DNASE1: variants seen among roughly 807,000 people sequenced by gnomAD.
DNASE1 encodes deoxyribonuclease 1.
DNASE1 carries 40 observed loss-of-function variants against 33.9 expected under a neutral mutation model. That is an observed-to-expected ratio of 1.18 (90% CI 0.92 to 1.54). The LOEUF (loss-of-function observed/expected upper bound fraction) is 1.54, where lower values mean the gene tolerates loss of function less well. Ranked by LOEUF, DNASE1 falls within the 40% of genes most tolerant of loss-of-function variation. The pLI, the probability that DNASE1 is intolerant of heterozygous loss-of-function variation, is 0.00. For synonymous variants in DNASE1, 216 were observed against 160.0 expected (o/e 1.35, Z -2.64); for missense variants, 518 against 372.6 (o/e 1.39, Z -3.21).
chr16:3,664,067 AAAC>A, exon 10 of DNASE1: 1 of 558,328 alleles, frequency 1.8e-6, no homozygotes, highest in Non-Finnish European at 3.0e-6. Context: ...CATCTCAAAA[AAAC>A]AAAAAACAAA....
intron 1 of DNASE1, among the ~76,000 whole-genome samples, chr16:3,634,613 G>A (rs1427748984): frequency 1.3e-5 from 2 of 151,946 alleles, no homozygotes; most frequent in African/African-American, 4.8e-5. Context: ...GGGCTCAAAT[G>A]ATCCTCCTGC....
At chr16:3,616,445 A>G (rs1208687903) in intron 1 of DNASE1, among the ~76,000 whole-genome samples, 4 of 147,746 alleles carry the variant, frequency 2.7e-5, no homozygotes, top group African/African-American at 1.0e-4. Flanking sequence ...ACATGGTGAA[A>G]CCCCATGTCT....
At chr16:3,619,444 C>G (rs2151158765) in intron 1 of DNASE1, among the ~76,000 whole-genome samples, 1 of 152,204 alleles carries the variant, frequency 6.6e-6, no homozygotes, top group South Asian at 2.1e-4. Context: ...TTACTGCAAG[C>G]TCTGCCTCCC....
chr16:3,617,314 G>T (rs555545722), intron 1 of DNASE1, among the ~76,000 whole-genome samples: 24 of 82,300 alleles, frequency 2.9e-4, no homozygotes, highest in African/African-American at 1.4e-3. Flanking sequence ...CAACAAGAGC[G>T]AAACTCCATC....
chr16:3,620,504 G>C (rs1467287537), intron 1 of DNASE1, among the ~76,000 whole-genome samples: 1 of 149,626 alleles, frequency 6.7e-6, no homozygotes, highest in African/African-American at 2.5e-5. Context: ...GGGTGACAGA[G>C]TGAGACCCTG....
At position 3,657,762 on chromosome 16, in the gene DNASE1, C is replaced by G; in HGVS notation, c.747C>G (p.Pro249=). Residue 249 remains proline, a synonymous_variant, in exon 8 of 9, where the codon CCC becomes CCG. Coordinates refer to ENST00000246949, the MANE Select transcript of DNASE1 (RefSeq NM_005223.4). ...TGCTGCTCCGAGGCGCCGTTGTTCC[C>G]GACTCGGCTCTTCCCTTTAACTTCC... ...AGMLLRGAVV[P]DSALPFNFQA... 6.2e-7 allele frequency: 1 copy of G among 1,613,908 alleles called. No homozygotes were observed. The highest frequency in any genetic ancestry group is 8.5e-7 in the Non-Finnish European group (1 of 1,179,928).
intron 1 of DNASE1, among the ~76,000 whole-genome samples, chr16:3,644,286 G>T (rs1263028972): frequency 1.3e-5 from 2 of 151,792 alleles, no homozygotes; most frequent in East Asian, 3.9e-4. Flanking sequence ...AATTAGGCCG[G>T]GTGCAGTGGC....
chr16:3,625,453 C>CA lies in DNASE1; in HGVS notation c.-1359+13457dup, dbSNP rs926078689. On this transcript the variant is annotated intron_variant and NMD_transcript_variant, in intron 1 of 11. Coordinates refer to the DNASE1 transcript ENST00000570769. The stretch of plus-strand genomic sequence containing the variant: ...GGCTGTGTAGTGAGACCCATCGCTG[C>CA]AAAAAAAAAATTGTTTAAATAAAAT... 3.1e-4 allele frequency among the ~76,000 whole-genome samples: 46 copies of CA among 148,690 alleles called. 1 individual carries two copies. The highest frequency in any genetic ancestry group is 3.5e-3 in the Middle Eastern group (1 of 286).
intron 1 of DNASE1, among the ~76,000 whole-genome samples, chr16:3,637,770 T>C (rs1312948889): frequency 2.0e-5 from 3 of 152,162 alleles, no homozygotes; most frequent in Non-Finnish European, 4.4e-5. Context: ...GTAGGGCTCA[T>C]GGAGGTAAAG....
intron 1 of DNASE1, among the ~76,000 whole-genome samples, chr16:3,615,940 C>A (rs2041086214): frequency 6.6e-6 from 1 of 152,162 alleles, no homozygotes; most frequent in Non-Finnish European, 1.5e-5. Flanking sequence ...ACCTCCCTCT[C>A]CTTTATCTTG....
chr16:3,631,693 TTG>T (rs560673870), intron 1 of DNASE1, among the ~76,000 whole-genome samples: 36 of 151,660 alleles, frequency 2.4e-4, no homozygotes, highest in Non-Finnish European at 4.0e-4. Context: ...CGGCTAATTT[TTG>T]TGTTTTTAGT....
At chr16:3,640,224 T>C (rs1332941685), upstream of DNASE1, among the ~76,000 whole-genome samples, 4 of 152,170 alleles carry the variant, frequency 2.6e-5, no homozygotes, top group Non-Finnish European at 5.9e-5. Context: ...GGCCTTCTCA[T>C]ATAGTTTTTC....
At chr16:3,658,254 A>AT, downstream of DNASE1, 1 of 1,575,272 alleles carries the variant, frequency 6.3e-7, no homozygotes, top group East Asian at 2.2e-5. Flanking sequence ...GGAGAAACCC[A>AT]TTATGAGGGG....
upstream of DNASE1, chr16:3,640,657 T>C (rs1329925616): frequency 1.8e-5 from 7 of 398,092 alleles, no homozygotes; most frequent in Non-Finnish European, 3.1e-5. Flanking sequence ...AGTTTCAGAA[T>C]AGGTGGTGCT....
chr16:3,620,984 G>A (rs2041290750), intron 1 of DNASE1, among the ~76,000 whole-genome samples: 1 of 152,020 alleles, frequency 6.6e-6, no homozygotes, highest in South Asian at 2.1e-4. Flanking sequence ...ATTTTTAGTA[G>A]AGACGGGGTT....
upstream of DNASE1, among the ~76,000 whole-genome samples, chr16:3,639,311 C>T (rs1426214141): frequency 3.9e-5 from 6 of 152,184 alleles, no homozygotes; most frequent in Non-Finnish European, 7.3e-5. Context: ...GTATGTGGGA[C>T]ATATAGGGTG....
At chr16:3,655,559 T>A in intron 2 of DNASE1, 39 bp downstream of exon 2, 1 of 1,613,428 alleles carries the variant, frequency 6.2e-7, no homozygotes, top group Non-Finnish European at 8.5e-7. Flanking sequence ...GCAGAGGAGC[T>A]CTGGAGTCTA....
chr16:3,614,540 T>G lies in DNASE1; in HGVS notation c.-1359+2534T>G, dbSNP rs553604217. Among the ~76,000 whole-genome samples, 9 of 152,302 alleles carry G rather than the reference T, an allele frequency of 5.9e-5. No individual in the cohort carries two copies. In the South Asian group the frequency reaches 8.3e-4, roughly 14 times the overall value. ...GTAAACATTTTAGGATTGGATAATT[T>G]AAATAATTCCATCACGCTTTGCCTT... On this transcript the variant is annotated intron_variant and NMD_transcript_variant, in intron 1 of 11. Transcript: ENST00000570769.
chr16:3,658,317 G>A (rs1394303160), downstream of DNASE1: 15 of 1,093,350 alleles, frequency 1.4e-5, no homozygotes, highest in South Asian at 2.8e-5. Flanking sequence ...CACTGTTGCC[G>A]AGGCTGGAGT....
Sources: gnomAD v4.1 joint callset for allele counts (sites outside exome capture counted in the v4.1 genomes callset) on GRCh38, gnomAD v4.1.1 for gene constraint, MANE v1.5 for transcripts, NCBI Gene and HGNC (gene_info 2026-07-23, HGNC 2026-07-21) for gene names.